Variants in EP300 observed in about 807,000 individuals in gnomAD.
EP300 encodes the protein EP300 lysine acetyltransferase, also known as histone acetyltransferase p300.
EP300 carries 31 observed loss-of-function variants against 264.0 expected under a neutral mutation model. The observed-to-expected ratio is 0.12, with a 90% CI of 0.09 to 0.16. The LOEUF (loss-of-function observed/expected upper bound fraction) is 0.16, where lower values mean the gene tolerates loss of function less well. Among genes scored for constraint, EP300 ranks in the 10% least tolerant of loss-of-function variants. EP300 has a pLI of 1.00. For synonymous variants in EP300, 1,340 were observed against 1,045.4 expected, an observed-to-expected ratio of 1.28 and a Z score of -5.44; for missense variants, 2,766 against 3,052.9, an observed-to-expected ratio of 0.91 and a Z score of 2.21.
chr22:41,166,988 GTTTA>G (rs761014256), intron 23 of EP300, among the ~76,000 whole-genome samples: 11 of 152,180 alleles, frequency 7.2e-5, no homozygotes, highest in African/African-American at 1.4e-4. Context: ...CTCTCAGTTT[GTTTA>G]TTTATTATTT....
intron 5 of EP300, among the ~76,000 whole-genome samples, chr22:41,130,857 A>G (rs1036994767): frequency 2.0e-5 from 3 of 152,056 alleles, no homozygotes; most frequent in Non-Finnish European, 4.4e-5. Context: ...AATTGTAACT[A>G]CCACATCTCT....
At chr22:41,131,659 T>C (rs2058920516) in intron 6 of EP300, 26 bp downstream of exon 6, 1 of 1,613,916 alleles carries the variant, frequency 6.2e-7, no homozygotes, top group Non-Finnish European at 8.5e-7. Flanking sequence ...CCTAATAACA[T>C]GGTATTGGTT....
At chr22:41,164,176 G>A in intron 22 of EP300, 46 bp downstream of exon 22, 2 of 1,543,336 alleles carry the variant, frequency 1.3e-6, no homozygotes, top group Non-Finnish European at 1.8e-6. Context: ...TCTTTATCGT[G>A]AATATTAACA....
chr22:41,159,244 T>C (rs2059094854), intron 19 of EP300: 1 of 152,266 alleles, frequency 6.6e-6, no homozygotes, highest in African/African-American at 2.4e-5. Flanking sequence ...TGGATGATAT[T>C]AATACCCTTT....
intron 13 of EP300, among the ~76,000 whole-genome samples, chr22:41,149,491 T>G (rs2059030695): frequency 6.6e-6 from 1 of 152,194 alleles, no homozygotes; most frequent in South Asian, 2.1e-4. Context: ...AGGCAGGCCC[T>G]AGAGCACTCT....
At chr22:41,172,210 C>T (rs2059174776) in intron 27 of EP300, among the ~76,000 whole-genome samples, 1 of 152,118 alleles carries the variant, frequency 6.6e-6, no homozygotes, top group Non-Finnish European at 1.5e-5. Flanking sequence ...GGTGCTACCA[C>T]CCTGACGTTG....
Position 41,141,315 on chromosome 22 carries a change from A to C in EP300, c.2053+93A>C, listed in dbSNP as rs535759944. ...TTAATTTCTGTAAGCTTGTGTAACT[A>C]TTCTAGAGTTTTTTAAATAACCATT... On this transcript the variant is annotated intron_variant, in intron 10 of 30. Transcript: ENST00000263253. 66 of 1,386,368 alleles carry C rather than the reference A, an allele frequency of 4.8e-5. No homozygotes were observed. In the Admixed American group the frequency reaches 1.2e-3, roughly 25 times the overall value. The allele number at this position is 1,386,368 out of a possible 1,614,324, so 85.9% of individuals were successfully genotyped here.
intron 1 of EP300, among the ~76,000 whole-genome samples, chr22:41,095,507 CA>C (rs1266433979): frequency 6.6e-6 from 1 of 151,832 alleles, no homozygotes; most frequent in African/African-American, 2.4e-5. Context: ...GCTGGGGTTA[CA>C]GGTATGAGCC....
At position 41,178,735 on chromosome 22, in the gene EP300, C is replaced by T. The variant is rs1486126836; in HGVS notation, c.7024C>T (p.Pro2342Ser). The change falls in exon 31 of 31, where the codon CCA becomes TCA. Residue 2342 changes from proline (P) to serine (S), a missense_variant. By Grantham distance (74) the Pro-to-Ser change is moderately conservative. Coordinates refer to ENST00000263253, the MANE Select transcript of EP300 (RefSeq NM_001429.4). ...TCAGCCTTCTCCACACCACGTTTCC[C>T]CACAGACAAGTTCCCCACATCCTGG... ...QPQPSPHHVS[P>S]QTSSPHPGLV... 2 of 1,614,198 alleles carry T rather than the reference C, an allele frequency of 1.2e-6. No individual in the cohort carries two copies. Among genetic ancestry groups the T allele is most frequent in the South Asian group, 1.1e-5 (1 of 91,086 alleles).
chr22:41,168,416 C>T (rs1165606870), intron 23 of EP300, 33 bp from the exon 24 acceptor site: 2 of 1,613,162 alleles, frequency 1.2e-6, no homozygotes, highest in African/African-American at 1.3e-5. Flanking sequence ...AGTAAATTTG[C>T]ACCTCAGTAA....
chr22:41,179,023 A>G lies in EP300; in HGVS notation c.*67A>G. ...CTTAACAAGACTTTTTGTACTGAAA[A>G]CAATTTTTTTGAATCTTTCGTAGCC... On this transcript the variant is annotated 3_prime_UTR_variant, in exon 31 of 31. Transcript: ENST00000263253. The G allele has an allele frequency of 6.3e-7, 1 of 1,586,838 alleles. No homozygotes were observed.
chr22:41,157,963 G>A (rs2059086803), intron 18 of EP300, among the ~76,000 whole-genome samples: 2 of 152,214 alleles, frequency 1.3e-5, no homozygotes, highest in South Asian at 4.1e-4. Flanking sequence ...AACTCATCTG[G>A]AGTAGGGGCA....
At chr22:41,164,996 T>C (rs2059126672) in intron 22 of EP300, among the ~76,000 whole-genome samples, 1 of 152,234 alleles carries the variant, frequency 6.6e-6, no homozygotes, top group Admixed American at 6.5e-5. Context: ...CTTGGGCTGA[T>C]TGTTGTTCCT....
rs767194422 is a variant in EP300 at position 41,149,132 on chromosome 22, A to G, written c.2336A>G (p.Asn779Ser). The G allele has an allele frequency of 1.2e-5, 19 of 1,613,828 alleles. No individual in the cohort carries two copies. In the South Asian group the frequency reaches 1.9e-4, roughly 16 times the overall value. ...CCATCACAGGGAATGAATGTAACAA[A>G]TATCCCTTTGGCTCCGTCCAGCGGT... ...QFPSQGMNVTNIPLAPSSGQA... is the reference protein window; with the variant it reads ...QFPSQGMNVTSIPLAPSSGQA... The change falls in exon 13 of 31, where the codon AAT becomes AGT. Residue 779 changes from asparagine to serine, a missense_variant. Asn to Ser is a conservative substitution (Grantham distance 46). Transcript: ENST00000263253.
intron 10 of EP300, among the ~76,000 whole-genome samples, chr22:41,144,438 A>G (rs763631642): frequency 2.1e-5 from 3 of 146,192 alleles, no homozygotes; most frequent in Non-Finnish European, 3.0e-5. Flanking sequence ...TGCATCCTCC[A>G]TGCCTCCCAA....
At position 41,179,880 on chromosome 22, in the gene EP300, T is replaced by TCACACACACACACACA. The variant is rs59721178; in HGVS notation, c.*952_*967dup. The TCACACACACACACACA allele has an allele frequency of 1.9e-5, 3 of 158,526 alleles. No individual in the cohort carries two copies. The highest frequency in any genetic ancestry group is 1.3e-4 in the East Asian group (1 of 7,452). The allele number at this position is 158,526 out of a possible 1,614,324, so 9.8% of individuals were successfully genotyped here. ...TCTTCCTCCTTACCCTACCCCCCAC[T>TCACACACACACACACA]CACACACACACACACACACACACAC... On this transcript the variant is annotated 3_prime_UTR_variant, in exon 31 of 31. Transcript: ENST00000263253.
chr22:41,121,427 G>T (rs1038362241), intron 2 of EP300, among the ~76,000 whole-genome samples: 3 of 152,184 alleles, frequency 2.0e-5, no homozygotes, highest in Non-Finnish European at 4.4e-5. Flanking sequence ...AAGGGGCAGT[G>T]ATCTGGAGGT....
intron 6 of EP300, among the ~76,000 whole-genome samples, chr22:41,134,857 CCT>C (rs1178508767): frequency 6.6e-6 from 1 of 152,026 alleles, no homozygotes; most frequent in African/African-American, 2.4e-5. Flanking sequence ...CATATTTTCC[CCT>C]CTTGTTTTAT....
chr22:41,148,821 C>G (rs2059026641), intron 12 of EP300: 1 of 599,210 alleles, frequency 1.7e-6, no homozygotes, highest in African/African-American at 1.9e-5. Context: ...TGGAGTAGGC[C>G]TAGGTAAACT....
Sources: gnomAD v4.1 joint callset for allele counts (sites outside exome capture counted in the v4.1 genomes callset) on GRCh38, gnomAD v4.1.1 for gene constraint, MANE v1.5 for transcripts, NCBI Gene and HGNC (gene_info 2026-07-23, HGNC 2026-07-21) for gene names.